PCDHGA1: variants seen among roughly 807,000 people sequenced by gnomAD.
The protein encoded by PCDHGA1 is protocadherin gamma subfamily A, 1.
Under a neutral mutation model 58.0 loss-of-function variants are expected in PCDHGA1, and 32 were observed. That is an observed-to-expected ratio of 0.55 (90% CI 0.42 to 0.74). The LOEUF (loss-of-function observed/expected upper bound fraction) is 0.74, where lower values mean the gene tolerates loss of function less well. Ranked by LOEUF, PCDHGA1 falls within the 30% of genes least tolerant of loss-of-function variation. The pLI, the probability that PCDHGA1 is intolerant of heterozygous loss-of-function variation, is 0.00. For missense variants in PCDHGA1, 1,205 were observed against 1,182.3 expected (o/e 1.02, Z -0.28); for synonymous variants, 498 against 501.1 (o/e 0.99, Z 0.08).
At chr5:141,345,546 G>T (rs1291837550) in intron 1 of PCDHGA1, 2 of 1,614,134 alleles carry the variant, frequency 1.2e-6, no homozygotes, top group Non-Finnish European at 1.7e-6. Context: ...GTCCTCCTTC[G>T]TCTCTATCAA....
At chr5:141,357,699 T>G in intron 1 of PCDHGA1, 1 of 1,511,918 alleles carries the variant, frequency 6.6e-7, no homozygotes, top group Non-Finnish European at 8.9e-7. Flanking sequence ...ATTTTATATG[T>G]AATATATCAA....
chr5:141,476,951 A>C lies in PCDHGA1; in HGVS notation c.2422-17856A>C. On this transcript the variant is annotated intron_variant, in intron 1 of 3. Coordinates refer to ENST00000517417, the MANE Select transcript of PCDHGA1 (RefSeq NM_018912.3). The surrounding 1 kb of genome is among the most constrained non-coding windows in gnomAD (Gnocchi z 7.6). ...TCTGGATGAAGGCCCCAACGGTGAA[A>C]TTATTTACTCCTTCGGCAGCCACAA... 6.2e-7 allele frequency: 1 copy of C among 1,614,184 alleles called. No individual in the cohort carries two copies. Among genetic ancestry groups the C allele is most frequent in the South Asian group, 1.1e-5 (1 of 91,088 alleles).
chr5:141,356,869 G>A (rs1241364219), intron 1 of PCDHGA1: 9 of 1,614,064 alleles, frequency 5.6e-6, no homozygotes, highest in Admixed American at 3.3e-5. Flanking sequence ...GGACCAGAAC[G>A]ACAATGTCCC....
chr5:141,433,209 T>A, intron 1 of PCDHGA1: 3 of 465,024 alleles, frequency 6.5e-6, no homozygotes, highest in South Asian at 1.0e-4. Context: ...ATCTTCTTTC[T>A]TTTTTTTTTT....
At position 141,339,624 on chromosome 5, in the gene PCDHGA1, G is replaced by T. The variant is rs370928859; in HGVS notation, c.2421+6519G>T. On this transcript the variant is annotated intron_variant, in intron 1 of 3. Coordinates refer to ENST00000517417, the MANE Select transcript of PCDHGA1 (RefSeq NM_018912.3). ...CTCGTTCTCGTGGCTTCTGATGGGG[G>T]TGACCCAGTGCTATCTGGCACCTCC... 4 of 1,614,194 alleles carry T rather than the reference G, an allele frequency of 2.5e-6. No individual in the cohort carries two copies. The highest frequency in any genetic ancestry group is 2.2e-5 in the East Asian group (1 of 44,874).
At position 141,511,239 on chromosome 5, in the gene PCDHGA1, C is replaced by A; in HGVS notation, c.*66C>A. On this transcript the variant is annotated 3_prime_UTR_variant, in exon 4 of 4. Coordinates refer to ENST00000517417, the MANE Select transcript of PCDHGA1 (RefSeq NM_018912.3). ...AACCAGCCCAGCTTCTCCTTACCTG[C>A]ACCCAGGCCTCAGAGTTTCAGGGCT... 1 of 1,587,938 alleles carries A rather than the reference C, an allele frequency of 6.3e-7. No homozygotes were observed. Among genetic ancestry groups the A allele is most frequent in the Admixed American group, 1.8e-5 (1 of 55,480 alleles).
rs748486683 is a variant in PCDHGA1, at chr5:141,374,702, G to A, written c.2421+41597G>A. 8 of 1,609,096 alleles carry A rather than the reference G, an allele frequency of 5.0e-6. No homozygotes were observed. In the Admixed American group the frequency reaches 5.1e-5, roughly 10 times the overall value. ...CACACTGGACCGGGAAGGAGAAGCCGTTTACCGCCTGGTCCTTACTGCCAT... is the reference window on the plus strand; with the variant it reads ...CACACTGGACCGGGAAGGAGAAGCCATTTACCGCCTGGTCCTTACTGCCAT... On this transcript the variant is annotated intron_variant, in intron 1 of 3. Transcript: ENST00000517417.
rs767003818 is a variant in PCDHGA1, at chr5:141,361,414, G to A, written c.2421+28309G>A. ...CAATCTCACCATCACAGCCACCGAC[G>A]GGGGCAAGCCGCCCCTCTCCTCCAG... is the stretch of plus-strand genomic sequence containing the variant. On this transcript the variant is annotated intron_variant, in intron 1 of 3. Coordinates refer to ENST00000517417, the MANE Select transcript of PCDHGA1 (RefSeq NM_018912.3). The A allele has an allele frequency of 2.4e-5, 38 of 1,613,876 alleles. No individual in the cohort carries two copies. Among genetic ancestry groups the A allele is most frequent in the Admixed American group, 1.0e-4 (6 of 60,004 alleles).
At chr5:141,447,549 A>T (rs1387130901) in intron 1 of PCDHGA1, among the ~76,000 whole-genome samples, 1 of 152,216 alleles carries the variant, frequency 6.6e-6, no homozygotes, top group Non-Finnish European at 1.5e-5. Context: ...TAATGTTATG[A>T]GTACACTTGG....
chr5:141,442,317 A>T (rs1257883989), intron 1 of PCDHGA1: 2 of 152,400 alleles, frequency 1.3e-5, no homozygotes, highest in Admixed American at 6.5e-5. Context: ...ACGGATGTCT[A>T]TCCCGCGCTA....
chr5:141,336,858 G>A (rs573657190), intron 1 of PCDHGA1, among the ~76,000 whole-genome samples: 1 of 152,278 alleles, frequency 6.6e-6, no homozygotes, highest in East Asian at 1.9e-4. Context: ...GCAGCCCACA[G>A]AAAGAGAGAA....
intron 1 of PCDHGA1, chr5:141,398,873 T>G (rs2093718804): frequency 5.0e-6 from 8 of 1,613,254 alleles, no homozygotes; most frequent in Non-Finnish European, 6.8e-6. Context: ...GTGTACAGAG[T>G]CAGCCTTCGG....
intron 1 of PCDHGA1, chr5:141,427,870 C>A (rs773176633): frequency 3.2e-6 from 5 of 1,558,750 alleles, no homozygotes; most frequent in Non-Finnish European, 4.4e-6. Context: ...TTCGAGCTCA[C>A]GATGCAGGCC....
chr5:141,389,343 T>TACTG, intron 1 of PCDHGA1: 1 of 1,613,992 alleles, frequency 6.2e-7, no homozygotes, highest in Non-Finnish European at 8.5e-7. Flanking sequence ...CCAAGTCTCT[T>TACTG]ACTGCATCAT....
intron 1 of PCDHGA1, chr5:141,393,894 C>T (rs201697840): frequency 6.2e-7 from 1 of 1,614,000 alleles, no homozygotes. Flanking sequence ...AGAAAATTCT[C>T]TTCCCGGGAC....
rs1437851306 is a variant in PCDHGA1, at chr5:141,331,298, A to C, written c.614A>C (p.Glu205Ala). ...VLQSPLDREE[E>A]AVHHLILTAS... ...CAGAGTCCCTTAGACAGAGAAGAAG[A>C]AGCTGTCCACCACCTCATCCTCACA... The change falls in exon 1 of 4, where the codon GAA becomes GCA. Residue 205 changes from glutamate to alanine, a missense_variant. Transcript: ENST00000517417. 5 of 1,614,162 alleles carry C rather than the reference A, an allele frequency of 3.1e-6. No individual in the cohort carries two copies. Among genetic ancestry groups the C allele is most frequent in the East Asian group, 2.2e-5 (1 of 44,882 alleles).
chr5:141,372,431 C>T (rs1389799630), intron 1 of PCDHGA1: 1 of 1,614,052 alleles, frequency 6.2e-7, no homozygotes, highest in East Asian at 2.2e-5. Context: ...GCGACCGCCC[C>T]ACTCCCTCTG....
Position 141,418,027 on chromosome 5 carries a change from T to A in PCDHGA1, c.2422-76780T>A, listed in dbSNP as rs536104184. 2.4e-5 allele frequency: 38 copies of A among 1,613,808 alleles called. 1 individual carries two copies. In the South Asian group the frequency reaches 4.2e-4, roughly 18 times the overall value. ...GGAACCTCGCTAAGGATCTAGGGCT[T>A]AGTGTCCTGGATGTGTCGGCTCGCG... On this transcript the variant is annotated intron_variant, in intron 1 of 3. Coordinates refer to ENST00000517417, the MANE Select transcript of PCDHGA1 (RefSeq NM_018912.3).
rs542113846 is a variant in PCDHGA1 at position 141,433,037 on chromosome 5, A to G, written c.2422-61770A>G. ...GACCTATTCCCACGAGGTTTCCCTCACCACGGACTCGCGGAAGAGTCACCT... is the reference window on the plus strand; with the variant it reads ...GACCTATTCCCACGAGGTTTCCCTCGCCACGGACTCGCGGAAGAGTCACCT... On this transcript the variant is annotated intron_variant, in intron 1 of 3. Coordinates refer to ENST00000517417, the MANE Select transcript of PCDHGA1 (RefSeq NM_018912.3). 249 of 1,614,172 alleles carry G rather than the reference A, an allele frequency of 1.5e-4. 6 individuals are homozygous for G. The South Asian group carries it at 2.5e-3, about 16-fold the overall frequency.
Sources: allele counts gnomAD v4.1 joint callset (sites outside exome capture counted in the v4.1 genomes callset), GRCh38; gene constraint gnomAD v4.1.1; non-coding constraint Gnocchi (gnomAD v3.1); transcripts MANE v1.5; gene names NCBI Gene and HGNC (gene_info 2026-07-23, HGNC 2026-07-21).